NLGN1: variants seen among roughly 807,000 people sequenced by gnomAD.
The protein encoded by NLGN1 is neuroligin 1.
NLGN1 carries 12 observed loss-of-function variants against 65.5 expected under a neutral mutation model. That is an observed-to-expected ratio of 0.18 (90% CI 0.12 to 0.30). The LOEUF (loss-of-function observed/expected upper bound fraction) is 0.30, where lower values mean the gene tolerates loss of function less well. Among genes scored for constraint, NLGN1 ranks in the 10% least tolerant of loss-of-function variants. The probability of loss-of-function intolerance (pLI) is 1.00; values close to 1 mark genes in which losing one functional copy is unlikely to be tolerated. For synonymous variants in NLGN1, 350 were observed against 359.5 expected (o/e 0.97, Z 0.30); for missense variants, 750 against 1,007.1 (o/e 0.74, Z 3.46).
chr3:174,052,840 A>G (rs1179771732), intron 4 of NLGN1, among the ~76,000 whole-genome samples: 1 of 151,998 alleles, frequency 6.6e-6, no homozygotes, highest in Non-Finnish European at 1.5e-5. Context: ...AGGATTCACA[A>G]TTTGGCTTAA....
intron 3 of NLGN1, among the ~76,000 whole-genome samples, chr3:173,746,388 A>G (rs1362512809): frequency 2.0e-5 from 3 of 152,236 alleles, no homozygotes; most frequent in African/African-American, 7.2e-5. Flanking sequence ...GCTAGACTCT[A>G]TATGACCTTT....
intron 2 of NLGN1, among the ~76,000 whole-genome samples, chr3:173,550,753 C>A (rs62292671): frequency 6.6e-6 from 1 of 151,590 alleles, no homozygotes; most frequent in African/African-American, 2.4e-5. Flanking sequence ...CTAACACAGG[C>A]GTTAATGGTA....
chr3:173,495,700 C>G (rs1328978522), intron 2 of NLGN1, among the ~76,000 whole-genome samples: 1 of 133,666 alleles, frequency 7.5e-6, no homozygotes, highest in Non-Finnish European at 1.6e-5. Context: ...AAAAAAAACT[C>G]TATTGAGGTA....
chr3:173,762,681 C>T (rs564527450), intron 3 of NLGN1, among the ~76,000 whole-genome samples: 41 of 151,926 alleles, frequency 2.7e-4, no homozygotes, highest in Admixed American at 7.9e-4. Context: ...ACCCAAGCGG[C>T]CTGAAAGTTA....
chr3:173,864,970 C>T (rs1039047190), intron 4 of NLGN1, among the ~76,000 whole-genome samples: 15 of 152,114 alleles, frequency 9.9e-5, no homozygotes, highest in African/African-American at 2.7e-4. Flanking sequence ...TCAATTTCTG[C>T]TGGGAATATA....
At chr3:174,261,777 T>C (rs1746965869) in intron 4 of NLGN1, among the ~76,000 whole-genome samples, 1 of 147,684 alleles carries the variant, frequency 6.8e-6, no homozygotes, top group African/African-American at 2.5e-5. Context: ...TCAAAGGGAA[T>C]GCTTCCAGTT....
chr3:173,937,157 A>T (rs1384296069), intron 4 of NLGN1, among the ~76,000 whole-genome samples: 1 of 152,104 alleles, frequency 6.6e-6, no homozygotes, highest in African/African-American at 2.4e-5. Flanking sequence ...ATGTTTAGAA[A>T]TGTGACCAAA....
chr3:174,067,145 A>G (rs1298114789), intron 4 of NLGN1, among the ~76,000 whole-genome samples: 3 of 152,172 alleles, frequency 2.0e-5, no homozygotes, highest in Non-Finnish European at 4.4e-5. Context: ...ATATAGTTAT[A>G]TGATACTATG....
chr3:173,735,691 C>T (rs2150079867), intron 3 of NLGN1, among the ~76,000 whole-genome samples: 1 of 152,072 alleles, frequency 6.6e-6, no homozygotes, highest in South Asian at 2.1e-4. Flanking sequence ...TTTTGTTATT[C>T]CTTTTTCACA....
At chr3:173,642,509 C>T (rs545324668) in intron 3 of NLGN1, among the ~76,000 whole-genome samples, 27 of 152,274 alleles carry the variant, frequency 1.8e-4, no homozygotes, top group African/African-American at 5.3e-4. Context: ...CATTGACCAA[C>T]GTATGATGTG....
At chr3:173,587,871 G>A (rs939692950) in intron 2 of NLGN1, among the ~76,000 whole-genome samples, 1 of 150,178 alleles carries the variant, frequency 6.7e-6, no homozygotes, top group African/African-American at 2.5e-5. Flanking sequence ...CTAACATTCA[G>A]GAAAAGCTAA....
chr3:173,904,646 C>G (rs1738031924), intron 4 of NLGN1, among the ~76,000 whole-genome samples: 1 of 151,856 alleles, frequency 6.6e-6, no homozygotes, highest in Admixed American at 6.6e-5. Flanking sequence ...ATCCTAATGT[C>G]TTCAGAATTT....
chr3:174,266,501 T>C (rs1281344314), intron 4 of NLGN1, among the ~76,000 whole-genome samples: 2 of 152,196 alleles, frequency 1.3e-5, no homozygotes, highest in African/African-American at 4.8e-5. Flanking sequence ...CTATTGTGAA[T>C]AGTGCTGCAA....
intron 4 of NLGN1, among the ~76,000 whole-genome samples, chr3:173,914,068 G>T (rs527797876): frequency 2.0e-5 from 3 of 152,080 alleles, no homozygotes; most frequent in Non-Finnish European, 4.4e-5. Flanking sequence ...TTGAAATTTG[G>T]TTGCTCTGTG....
At chr3:173,945,507 T>C (rs983221878) in intron 4 of NLGN1, among the ~76,000 whole-genome samples, 3 of 152,058 alleles carry the variant, frequency 2.0e-5, no homozygotes, top group Non-Finnish European at 4.4e-5. Context: ...TTGGTGACAG[T>C]CTGTGTTGAG....
At chr3:173,835,945 A>G (rs1013252879) in intron 4 of NLGN1, among the ~76,000 whole-genome samples, 5 of 152,126 alleles carry the variant, frequency 3.3e-5, no homozygotes, top group African/African-American at 1.2e-4. Context: ...GATCCTCACA[A>G]CCGCACTGTA....
chr3:174,160,738 T>C (rs1726335823), intron 4 of NLGN1, among the ~76,000 whole-genome samples: 1 of 151,418 alleles, frequency 6.6e-6, no homozygotes, highest in Non-Finnish European at 1.5e-5. Flanking sequence ...ATATTGCCAA[T>C]ATAATAGTTT....
chr3:173,986,987 C>G (rs1579589790), intron 4 of NLGN1, among the ~76,000 whole-genome samples: 1 of 152,204 alleles, frequency 6.6e-6, no homozygotes, highest in Middle Eastern at 3.4e-3. Context: ...TAAGCAGAGA[C>G]TGGAAGAAAT....
At chr3:173,483,571 A>G (rs1352082171) in intron 2 of NLGN1, among the ~76,000 whole-genome samples, 1 of 152,164 alleles carries the variant, frequency 6.6e-6, no homozygotes, top group African/African-American at 2.4e-5. Context: ...TATAGAATCT[A>G]CAAACAGTTA....
Sources: allele counts gnomAD v4.1 joint callset (sites outside exome capture counted in the v4.1 genomes callset), GRCh38; gene constraint gnomAD v4.1.1; transcripts MANE v1.5; gene names NCBI Gene and HGNC (gene_info 2026-07-23, HGNC 2026-07-21).